SPATA21: variants seen among roughly 807,000 people sequenced by gnomAD.
The protein encoded by SPATA21 is spermatogenesis associated 21.
SPATA21 carries 47 observed loss-of-function variants against 54.8 expected under a neutral mutation model. The ratio of observed to expected loss-of-function variants is 0.86; its 90% CI spans 0.68 to 1.09. The LOEUF (loss-of-function observed/expected upper bound fraction) is 1.09, where lower values mean the gene tolerates loss of function less well. Ranked by LOEUF, SPATA21 falls within the 50% of genes least tolerant of loss-of-function variation. SPATA21 has a pLI of 0.00. For missense variants in SPATA21, 599 were observed against 596.4 expected, an observed-to-expected ratio of 1.00 and a Z score of -0.05; for synonymous variants, 245 against 235.3, an observed-to-expected ratio of 1.04 and a Z score of -0.38.
At chr1:16,410,135 G>T in intron 5 of SPATA21, 92 bp from the exon 6 acceptor site, 1 of 1,067,438 alleles carries the variant, frequency 9.4e-7, no homozygotes, top group Non-Finnish European at 1.3e-6. Flanking sequence ...GAGATCCTCA[G>T]ACTGCCCCTT....
rs923487931 is a variant in SPATA21, at chr1:16,428,493, G to C, written c.34+2845C>G. ...CAACTTCCACCTGCTGGGTTCAAGC[G>C]ATTCTTGTGCCTCAGCTTCCCGAGT... On this transcript the variant is annotated intron_variant, in intron 3 of 12. Transcript: ENST00000335496. This position sits in a 1 kb window ranked among gnomAD's most constrained non-coding sequence, Gnocchi z 4.3. Among the ~76,000 whole-genome samples, 38 of 152,146 alleles carry C rather than the reference G, an allele frequency of 2.5e-4. No homozygotes were observed. The highest frequency in any genetic ancestry group is 8.9e-4 in the African/African-American group (37 of 41,456).
At position 16,409,255 on chromosome 1, in the gene SPATA21, T is replaced by C; in HGVS notation, c.588-52A>G. The C allele has an allele frequency of 6.2e-7, 1 of 1,600,680 alleles. No homozygotes were observed. Among genetic ancestry groups the C allele is most frequent in the Non-Finnish European group, 8.5e-7 (1 of 1,169,618 alleles). On this transcript the variant is annotated intron_variant, in intron 6 of 12. Transcript: ENST00000335496. The surrounding 1 kb of genome is among the most constrained non-coding windows in gnomAD (Gnocchi z 4.1). The stretch of plus-strand genomic sequence containing the variant: ...GGCAACATCCGGCCGCCCACCCTGC[T>C]GATAGCTAGGGGAGGGGTTGGGGGA...
At chr1:16,436,966 A>G (rs958992616) in intron 1 of SPATA21, among the ~76,000 whole-genome samples, 162 bp downstream of exon 1, 32 of 152,166 alleles carry the variant, frequency 2.1e-4, no homozygotes, top group Non-Finnish European at 4.3e-4. Context: ...TGCCCCTTTT[A>G]TAAGTGGTTT....
At chr1:16,419,126 C>T (rs982340686) in intron 5 of SPATA21, among the ~76,000 whole-genome samples, 37 of 152,132 alleles carry the variant, frequency 2.4e-4, no homozygotes, top group African/African-American at 8.4e-4. Flanking sequence ...CTGACAGGCT[C>T]CTTGAGATGG....
chr1:16,402,504 G>T (rs189500334), intron 10 of SPATA21, among the ~76,000 whole-genome samples: 3 of 151,058 alleles, frequency 2.0e-5, no homozygotes, highest in Non-Finnish European at 4.4e-5. Context: ...CTTGTGATCC[G>T]CCCACCGCGG....
chr1:16,428,562 T>A lies in SPATA21; in HGVS notation c.34+2776A>T, dbSNP rs143531819. Among the ~76,000 whole-genome samples, 278 of 152,112 alleles carry A rather than the reference T, an allele frequency of 1.8e-3. 1 individual carries two copies. The highest frequency in any genetic ancestry group is 6.8e-3 in the Middle Eastern group (2 of 294). On this transcript the variant is annotated intron_variant, in intron 3 of 12. Transcript: ENST00000335496. This position sits in a 1 kb window ranked among gnomAD's most constrained non-coding sequence, Gnocchi z 4.3. The stretch of plus-strand genomic sequence containing the variant: ...GCGCCACCATGCCCAACTAATTTTT[T>A]TTTTTTATTTTTTTTGTAGGCCAGG...
rs748374174 is a variant in SPATA21, at chr1:16,403,985, C to T, written c.866G>A (p.Arg289His). 1.7e-5 allele frequency: 26 copies of T among 1,574,008 alleles called. No homozygotes were observed. Among genetic ancestry groups the T allele is most frequent in the East Asian group, 9.4e-5 (4 of 42,592 alleles). ...CTGCTCACCCACAGAGCAGAAGAAG[C>T]GCCTGGTGTCTGTCATCACAGCCAA... Reference protein sequence around the residue: ...DFLAVMTDTRRFFCSVEQNAL... With the variant: ...DFLAVMTDTRHFFCSVEQNAL... Residue 289 changes from arginine to histidine, a missense_variant, in exon 9 of 13, where the codon CGC becomes CAC. Arg to His is a conservative substitution (Grantham distance 29). Transcript: ENST00000335496.
chr1:16,432,373 C>T lies in SPATA21; in HGVS notation c.-52+417G>A, dbSNP rs188631020. Among the ~76,000 whole-genome samples the T allele has an allele frequency of 1.6e-3, 244 of 152,188 alleles. 1 individual carries two copies. The highest frequency in any genetic ancestry group is 2.5e-3 in the Non-Finnish European group (173 of 68,010). Reference sequence around the variant, plus strand: ...CTGACCTCAAGTGATCCGCCCGCCTCGGCCTCCCAAAGTGTTGGGATTACA... The same window carrying T: ...CTGACCTCAAGTGATCCGCCCGCCTTGGCCTCCCAAAGTGTTGGGATTACA... On this transcript the variant is annotated intron_variant, in intron 2 of 12. Coordinates refer to ENST00000335496, the MANE Select transcript of SPATA21 (RefSeq NM_198546.1).
At chr1:16,408,592 G>C in intron 7 of SPATA21, 1 of 949,876 alleles carries the variant, frequency 1.1e-6, no homozygotes, top group South Asian at 4.8e-5. Flanking sequence ...CTAGCACGAG[G>C]CTGGGCGCGG....
rs552691300 is a variant in SPATA21 at position 16,422,546 on chromosome 1, C to T, written c.35-575G>A. On this transcript the variant is annotated intron_variant, in intron 3 of 12. Coordinates refer to ENST00000335496, the MANE Select transcript of SPATA21 (RefSeq NM_198546.1). ...TTTTGAGACAAGTCTCACTCTGTCA[C>T]CCAGGCTGGAGTGCAGTGGCAAGAA... is the stretch of plus-strand genomic sequence containing the variant. Among the ~76,000 whole-genome samples the T allele has an allele frequency of 1.9e-4, 28 of 151,120 alleles. No homozygotes were observed. The South Asian group carries it at 5.6e-3, about 30-fold the overall frequency.
chr1:16,411,965 G>A (rs1025674638), intron 5 of SPATA21, among the ~76,000 whole-genome samples: 4 of 151,864 alleles, frequency 2.6e-5, no homozygotes, highest in Admixed American at 6.6e-5. Context: ...AGCTGCTCTC[G>A]CCATGCCACA....
At chr1:16,398,512 C>T, downstream of SPATA21, 1 of 509,934 alleles carries the variant, frequency 2.0e-6, no homozygotes, top group Non-Finnish European at 3.6e-6. Flanking sequence ...AAGGTCAAGA[C>T]TGCACGCAGG....
intron 3 of SPATA21, among the ~76,000 whole-genome samples, chr1:16,424,004 G>A (rs1374439493): frequency 6.6e-6 from 1 of 151,842 alleles, no homozygotes; most frequent in East Asian, 1.9e-4. Flanking sequence ...ATGAGAAAGG[G>A]CATGAGGAAA....
intron 7 of SPATA21, among the ~76,000 whole-genome samples, chr1:16,405,810 C>T (rs1291445026): frequency 1.3e-5 from 2 of 152,196 alleles, no homozygotes; most frequent in African/African-American, 4.8e-5. Context: ...ATCCTTGCAA[C>T]CTTGTCCATC....
intron 3 of SPATA21, among the ~76,000 whole-genome samples, chr1:16,422,552 C>T (rs565940703): frequency 6.7e-6 from 1 of 150,172 alleles, no homozygotes; most frequent in Non-Finnish European, 1.5e-5. Context: ...GTCACCCAGG[C>T]TGGAGTGCAG....
chr1:16,419,539 G>A (rs2086110367), intron 5 of SPATA21, among the ~76,000 whole-genome samples: 1 of 152,220 alleles, frequency 6.6e-6, no homozygotes, highest in African/African-American at 2.4e-5. Flanking sequence ...GAAAGGCAGT[G>A]TCATTTGCTG....
chr1:16,436,447 C>T (rs1194740026), intron 1 of SPATA21, among the ~76,000 whole-genome samples: 1 of 150,666 alleles, frequency 6.6e-6, no homozygotes, highest in East Asian at 2.0e-4. Context: ...GATGGGTGGA[C>T]CAAAATCTTA....
In SPATA21 at chr1:16,400,866, C is replaced by T; in HGVS notation, c.1028G>A (p.Gly343Asp). 6.2e-7 allele frequency: 1 copy of T among 1,613,186 alleles called. No homozygotes were observed. Among genetic ancestry groups the T allele is most frequent in the Non-Finnish European group, 8.5e-7 (1 of 1,179,658 alleles). ...TNYYQKKLKE[G>D]TCKAQEMEAA... ...TTCCATCTCCTGGGCCTTGCAGGTG[C>T]CTTCCTTCAGCTTTTTCTGGTAGTA... is the stretch of plus-strand genomic sequence containing the variant. Residue 343 changes from glycine (G) to aspartate (D), a missense_variant, in exon 11 of 13, where the codon GGC becomes GAC. Coordinates refer to ENST00000335496, the MANE Select transcript of SPATA21 (RefSeq NM_198546.1).
At chr1:16,422,407 G>A (rs750509378) in intron 3 of SPATA21, among the ~76,000 whole-genome samples, 2 of 152,138 alleles carry the variant, frequency 1.3e-5, no homozygotes, top group Non-Finnish European at 2.9e-5. Context: ...CAGAGAAGGC[G>A]TGGCCTACCC....
Sources: gnomAD v4.1 joint callset for allele counts (sites outside exome capture counted in the v4.1 genomes callset) on GRCh38, gnomAD v4.1.1 for gene constraint, Gnocchi (gnomAD v3.1) non-coding constraint, MANE v1.5 for transcripts, NCBI Gene and HGNC (gene_info 2026-07-23, HGNC 2026-07-21) for gene names.